The following GLYATL1B variants were observed in gnomAD, a reference collection of about 807,000 sequenced individuals.
GLYATL1B encodes the protein putative glycine N-acyltransferase-like protein 1B.
Under a neutral mutation model 5.5 loss-of-function variants are expected in GLYATL1B, and 6 were observed. The ratio of observed to expected loss-of-function variants is 1.09; its 90% CI spans 0.60 to 2.15. The LOEUF is 2.15. Among genes scored for constraint, GLYATL1B ranks in the 30% most tolerant of loss-of-function variants. GLYATL1B has a pLI of 0.00. For missense variants in GLYATL1B, 135 were observed against 94.1 expected, an observed-to-expected ratio of 1.43 and a Z score of -1.80; for synonymous variants, 67 against 34.9, an observed-to-expected ratio of 1.92 and a Z score of -3.24.
intron 1 of GLYATL1B, among the ~76,000 whole-genome samples, chr11:59,086,628 T>A (rs1245878110): frequency 6.6e-6 from 1 of 152,128 alleles, no homozygotes; most frequent in Non-Finnish European, 1.5e-5. Flanking sequence ...GCTACGAACA[T>A]CGGTTTGGGG....
chr11:59,089,154 T>C (rs368256816), intron 2 of GLYATL1B, among the ~76,000 whole-genome samples: 14 of 152,334 alleles, frequency 9.2e-5, no homozygotes, highest in African/African-American at 3.4e-4. Context: ...CTTTGACATA[T>C]GGACATTGCT....
chr11:59,092,555 T>C (rs1310182774), intron 2 of GLYATL1B, among the ~76,000 whole-genome samples: 1 of 152,240 alleles, frequency 6.6e-6, no homozygotes, highest in Non-Finnish European at 1.5e-5. Flanking sequence ...TTAGTTACAC[T>C]ATTTTCTCTT....
intron 3 of GLYATL1B, 78 bp downstream of exon 3, chr11:59,093,733 A>G (rs1181252417): frequency 2.3e-6 from 1 of 435,860 alleles, no homozygotes; most frequent in Non-Finnish European, 4.1e-6. Context: ...GCATCACCTG[A>G]GAGCTCATTA....
At chr11:59,088,581 C>G (rs1355134991) in intron 2 of GLYATL1B, among the ~76,000 whole-genome samples, 1 of 152,208 alleles carries the variant, frequency 6.6e-6, no homozygotes, top group Non-Finnish European at 1.5e-5. Flanking sequence ...CGCTAAATAA[C>G]TGTATGAACC....
rs188577638 is a variant in GLYATL1B at position 59,087,736 on chromosome 11, A to G, written c.186+565A>G. Among the ~76,000 whole-genome samples the G allele has an allele frequency of 5.8e-4, 88 of 152,126 alleles. 1 individual carries two copies. Among genetic ancestry groups the G allele is most frequent in the South Asian group, 2.3e-3 (11 of 4,816 alleles). On this transcript the variant is annotated intron_variant, in intron 2 of 4. Transcript: ENST00000527482. ...GTGATGCGTGCCTATACTCCTAGAT[A>G]CTCAGGAGATGGAGGTGGGAGGATG... is the stretch of plus-strand genomic sequence containing the variant.
chr11:59,087,562 T>C (rs1488202644), intron 2 of GLYATL1B, among the ~76,000 whole-genome samples: 2 of 152,114 alleles, frequency 1.3e-5, no homozygotes, highest in African/African-American at 2.4e-5. Context: ...TTACATCTCA[T>C]GGCCAGGCAT....
At chr11:59,094,333 G>A (rs1859384392) in intron 4 of GLYATL1B, 36 bp from the exon 5 acceptor site, 1 of 494,214 alleles carries the variant, frequency 2.0e-6, no homozygotes, top group African/African-American at 2.0e-5. Flanking sequence ...CAGGAGTGGG[G>A]ATGAAAGTTG....
At chr11:59,088,069 T>G (rs1298276340) in intron 2 of GLYATL1B, among the ~76,000 whole-genome samples, 2 of 152,192 alleles carry the variant, frequency 1.3e-5, no homozygotes, top group African/African-American at 4.8e-5. Flanking sequence ...CAATCTGAAT[T>G]CAAGTTCAAC....
chr11:59,088,492 C>T (rs1859238821), intron 2 of GLYATL1B, among the ~76,000 whole-genome samples: 1 of 152,144 alleles, frequency 6.6e-6, no homozygotes, highest in South Asian at 2.1e-4. Context: ...TTTTGATCTC[C>T]TGGTTTCCTG....
chr11:59,088,146 T>C (rs1859229380), intron 2 of GLYATL1B, among the ~76,000 whole-genome samples: 1 of 152,280 alleles, frequency 6.6e-6, no homozygotes, highest in East Asian at 1.9e-4. Flanking sequence ...TCTGTTAAAA[T>C]GGGAAAAATA....
chr11:59,090,223 C>T (rs905346421), intron 2 of GLYATL1B, among the ~76,000 whole-genome samples: 3 of 151,906 alleles, frequency 2.0e-5, no homozygotes, highest in African/African-American at 4.8e-5. Context: ...TAAAGCAAAT[C>T]ACCCTTCACT....
chr11:59,092,677 T>C (rs1355028569), intron 2 of GLYATL1B, among the ~76,000 whole-genome samples: 1 of 152,208 alleles, frequency 6.6e-6, no homozygotes, highest in East Asian at 1.9e-4. Flanking sequence ...CCCATGAAGT[T>C]TGTGGCTTGT....
chr11:59,094,530 T>A lies in GLYATL1B; in HGVS notation c.653T>A (p.Val218Asp). The change falls in exon 5 of 5, where the codon GTC becomes GAC. Residue 218 changes from valine (V) to aspartate (D), a missense_variant. Transcript: ENST00000527482. ...ACMLGPEGVP[V>D]SWVTMDPSCE... The stretch of plus-strand genomic sequence containing the variant: ...ATGCTGGGCCCAGAGGGGGTCCCGG[T>A]CTCATGGGTAACCATGGACCCTTCT... 3.9e-6 allele frequency: 3 copies of A among 760,414 alleles called. No homozygotes were observed. In the South Asian group the frequency reaches 5.7e-5, roughly 14 times the overall value. The allele number at this position is 760,414 out of a possible 1,614,324, so 47.1% of individuals were successfully genotyped here. A position where few individuals can be genotyped will look rare whatever the true frequency, so the allele number is the denominator to read the frequency against.
intron 2 of GLYATL1B, among the ~76,000 whole-genome samples, chr11:59,091,597 T>A (rs1353237624): frequency 6.6e-6 from 1 of 152,240 alleles, no homozygotes. Context: ...TGATATTTGA[T>A]TTTCTGTTAC....
rs533919790 is a variant in GLYATL1B, at chr11:59,094,369, C to T, written c.492C>T (p.Ser164=). The change falls in exon 5 of 5, where the codon AGC becomes AGT. Residue 164 remains serine, a splice_region_variant and synonymous_variant. Transcript: ENST00000527482. ...ETGHPDDELE[S]ETPNFKYAQL... ...TTGTCTTTCTTTTTGTTTTCTACAG[C>T]GAGACTCCGAACTTTAAGTATGCCC... 62 of 526,330 alleles carry T rather than the reference C, an allele frequency of 1.2e-4. No homozygotes were observed. The highest frequency in any genetic ancestry group is 7.4e-4 in the African/African-American group (38 of 51,174). 32.6% of individuals were successfully genotyped at this position (526,330 alleles called of 1,614,324 possible). A position where few individuals can be genotyped will look rare whatever the true frequency, so the allele number is the denominator to read the frequency against.
At chr11:59,091,990 T>A (rs1054999742) in intron 2 of GLYATL1B, among the ~76,000 whole-genome samples, 13 of 152,234 alleles carry the variant, frequency 8.5e-5, no homozygotes, top group African/African-American at 2.7e-4. Flanking sequence ...CCGATATTTC[T>A]ATTAGTTCAT....
At position 59,087,093 on chromosome 11, in the gene GLYATL1B, C is replaced by T. The variant is rs1320962582; in HGVS notation, c.108C>T (p.His36=). 2.2e-5 allele frequency: 15 copies of T among 684,890 alleles called. No individual in the cohort carries two copies. Among genetic ancestry groups the T allele is most frequent in the Admixed American group, 9.4e-5 (5 of 52,926 alleles). The allele number at this position is 684,890 out of a possible 1,614,324, so 42.4% of individuals were successfully genotyped here. A position where few individuals can be genotyped will look rare whatever the true frequency, so the allele number is the denominator to read the frequency against. The part of the protein sequence containing the change: ...KVYGSLFHIN[H]GNPFNMEVLV... Reference sequence around the variant, plus strand: ...ATGGCTCTCTGTTTCACATCAATCACGGGAACCCCTTCAACATGGAAGTGT... The same window carrying T: ...ATGGCTCTCTGTTTCACATCAATCATGGGAACCCCTTCAACATGGAAGTGT... The change falls in exon 2 of 5, where the codon CAC becomes CAT. Residue 36 remains histidine, a synonymous_variant. Coordinates refer to ENST00000527482, the MANE Select transcript of GLYATL1B (RefSeq NM_001355566.1).
chr11:59,094,693 C>T lies in GLYATL1B; in HGVS notation c.816C>T (p.Gly272=), dbSNP rs890006536. The T allele has an allele frequency of 2.5e-5, 11 of 442,504 alleles. No homozygotes were observed. Among genetic ancestry groups the T allele is most frequent in the African/African-American group, 1.2e-4 (6 of 49,980 alleles). The allele number at this position is 442,504 out of a possible 1,614,324, so 27.4% of individuals were successfully genotyped here. A position where few individuals can be genotyped will look rare whatever the true frequency, so the allele number is the denominator to read the frequency against. ...GCTCTGTGCTGGAAGAAAATCAAGG[C>T]GTCATCAGAAAGACTAGTGCACTAG... The part of the protein sequence containing the change: ...FYGSVLEENQ[G]VIRKTSALGF... The change falls in exon 5 of 5, where the codon GGC becomes GGT. Residue 272 remains glycine (G), a synonymous_variant. Transcript: ENST00000527482.
intron 2 of GLYATL1B, among the ~76,000 whole-genome samples, chr11:59,091,848 G>C (rs1277445481): frequency 6.6e-6 from 1 of 152,004 alleles, no homozygotes; most frequent in Non-Finnish European, 1.5e-5. Flanking sequence ...AAAAAAACTT[G>C]GTACATGTAT....
Sources: allele counts gnomAD v4.1 joint callset (sites outside exome capture counted in the v4.1 genomes callset), GRCh38; gene constraint gnomAD v4.1.1; transcripts MANE v1.5; gene names NCBI Gene and HGNC (gene_info 2026-07-23, HGNC 2026-07-21).